Variants in TSHZ2 observed in about 807,000 individuals in gnomAD.
The protein encoded by TSHZ2 is teashirt zinc finger homeobox 2, also known as teashirt homolog 2.
Under a neutral mutation model 74.4 loss-of-function variants are expected in TSHZ2, and 21 were observed. The ratio of observed to expected loss-of-function variants is 0.28; its 90% CI spans 0.20 to 0.41. TSHZ2 has a LOEUF of 0.41. TSHZ2 is among the 10% of genes least tolerant of loss of function. TSHZ2 has a pLI of 1.00. For synonymous variants in TSHZ2, 540 were observed against 515.3 expected (o/e 1.05, Z -0.65); for missense variants, 1,244 against 1,293.5 (o/e 0.96, Z 0.59).
intron 2 of TSHZ2, among the ~76,000 whole-genome samples, chr20:53,485,947 A>G (rs1403329451): frequency 6.6e-6 from 1 of 152,194 alleles, no homozygotes; most frequent in Non-Finnish European, 1.5e-5. Flanking sequence ...CTTTGAGTAC[A>G]TTCAGATTGT....
intron 1 of TSHZ2, among the ~76,000 whole-genome samples, chr20:53,138,404 A>C (rs961383424): frequency 2.0e-5 from 3 of 151,878 alleles, no homozygotes; most frequent in African/African-American, 4.8e-5. Flanking sequence ...AAAAAAAAAA[A>C]AACAATACTT....
At chr20:53,407,851 CACTTT>C (rs1274669412) in intron 2 of TSHZ2, among the ~76,000 whole-genome samples, 1 of 152,168 alleles carries the variant, frequency 6.6e-6, no homozygotes, top group South Asian at 2.1e-4. Context: ...ATTCCAATAC[CACTTT>C]ACTTCTGGAC....
chr20:53,477,579 A>C (rs1986022565), intron 2 of TSHZ2, among the ~76,000 whole-genome samples: 1 of 144,834 alleles, frequency 6.9e-6, no homozygotes, highest in East Asian at 2.0e-4. Flanking sequence ...CCTAGGCTTT[A>C]CCATTCAGGA....
chr20:53,117,279 C>T (rs1309065814), intron 1 of TSHZ2, among the ~76,000 whole-genome samples: 2 of 152,172 alleles, frequency 1.3e-5, no homozygotes, highest in East Asian at 3.8e-4. Flanking sequence ...TCACTGTCTG[C>T]AAGAGATAAC....
intron 1 of TSHZ2, among the ~76,000 whole-genome samples, chr20:53,023,400 C>T (rs1983316177): frequency 6.6e-6 from 1 of 152,146 alleles, no homozygotes; most frequent in Admixed American, 6.5e-5. Context: ...AGCATTAAAC[C>T]TCAACATTAA....
In TSHZ2 at chr20:53,239,705, A is replaced by C. The variant is rs79885789; in HGVS notation, c.41-13794A>C. Among the ~76,000 whole-genome samples, 6 of 152,318 alleles carry C rather than the reference A, an allele frequency of 3.9e-5. No individual in the cohort carries two copies. The East Asian group carries it at 1.2e-3, about 29-fold the overall frequency. The stretch of plus-strand genomic sequence containing the variant: ...ATCAACCAGATCTTCATGAAAAATT[A>C]ATGGACAGAATAGCAAAAAATTACC... On this transcript the variant is annotated intron_variant, in intron 1 of 2. Transcript: ENST00000371497.
At chr20:53,180,910 A>G (rs1600727307) in intron 1 of TSHZ2, among the ~76,000 whole-genome samples, 1 of 152,290 alleles carries the variant, frequency 6.6e-6, no homozygotes, top group African/African-American at 2.4e-5. Flanking sequence ...ATTAGATCCC[A>G]TGATCTCCTA....
At chr20:53,122,824 A>G (rs973625279) in intron 1 of TSHZ2, among the ~76,000 whole-genome samples, 1 of 152,154 alleles carries the variant, frequency 6.6e-6, no homozygotes, top group African/African-American at 2.4e-5. Context: ...TCTCTTTTTC[A>G]TCTAGAATTG....
At chr20:53,235,855 A>C (rs1989929409) in intron 1 of TSHZ2, among the ~76,000 whole-genome samples, 1 of 150,736 alleles carries the variant, frequency 6.6e-6, no homozygotes, top group Admixed American at 6.6e-5. Flanking sequence ...AGAATGAAAG[A>C]TAAAATAAAG....
rs554202064 is a variant in TSHZ2 at position 53,446,793 on chromosome 20, G to T, written c.*9-40351G>T. ...CAGGTATCCAGGGACTGACTCTCTA[G>T]TGGGGGCACAAATGGGGTCTACAGA... is the stretch of plus-strand genomic sequence containing the variant. On this transcript the variant is annotated intron_variant, in intron 2 of 2. Coordinates refer to ENST00000371497, the MANE Select transcript of TSHZ2 (RefSeq NM_173485.6). Among the ~76,000 whole-genome samples the T allele has an allele frequency of 3.9e-5, 6 of 152,112 alleles. No individual in the cohort carries two copies. The South Asian group carries it at 1.2e-3, about 32-fold the overall frequency.
Position 53,489,054 on chromosome 20 carries a change from T to C in TSHZ2, c.*1919T>C. On this transcript the variant is annotated 3_prime_UTR_variant, in exon 3 of 3. Coordinates refer to ENST00000371497, the MANE Select transcript of TSHZ2 (RefSeq NM_173485.6). ...TACCCCTCACATCATCGGATTGAGA[T>C]GGCAGTCGAAATAGCTTCATTGAAG... is the stretch of plus-strand genomic sequence containing the variant. The C allele has an allele frequency of 2.2e-6, 1 of 456,192 alleles. No individual in the cohort carries two copies. Among genetic ancestry groups the C allele is most frequent in the African/African-American group, 2.0e-5 (1 of 50,158 alleles). 28.3% of individuals were successfully genotyped at this position (456,192 alleles called of 1,614,324 possible). A position where few individuals can be genotyped will look rare whatever the true frequency, so the allele number is the denominator to read the frequency against.
chr20:53,112,700 A>G (rs145624620), intron 1 of TSHZ2, among the ~76,000 whole-genome samples: 47 of 152,154 alleles, frequency 3.1e-4, no homozygotes, highest in African/African-American at 1.0e-3. Flanking sequence ...TTTTGTAGAG[A>G]TGGGGTTTCA....
chr20:53,473,878 G>A (rs7361305), intron 2 of TSHZ2, among the ~76,000 whole-genome samples: 30,593 of 151,934 alleles, frequency 0.2, 3,220 homozygotes, highest in East Asian at 0.29. Flanking sequence ...CTCAGGAAGC[G>A]ATGCAATCAA....
At chr20:53,455,770 C>A (rs1600654647) in intron 2 of TSHZ2, among the ~76,000 whole-genome samples, 2 of 149,428 alleles carry the variant, frequency 1.3e-5, no homozygotes, top group East Asian at 4.0e-4. Context: ...TCCATGTGAT[C>A]TCATTGTTCA....
At chr20:53,446,294 T>C (rs1193728053) in intron 2 of TSHZ2, among the ~76,000 whole-genome samples, 1 of 151,430 alleles carries the variant, frequency 6.6e-6, no homozygotes, top group Admixed American at 6.6e-5. Context: ...CCAGGCGCGG[T>C]GACTTACGCC....
chr20:53,058,887 A>G (rs1038055382), intron 1 of TSHZ2, among the ~76,000 whole-genome samples: 1 of 152,238 alleles, frequency 6.6e-6, no homozygotes, highest in Non-Finnish European at 1.5e-5. Context: ...ATTAATACAT[A>G]TATTTCGTTT....
rs112030775 is a variant in TSHZ2, at chr20:53,194,961, C to T, written c.41-58538C>T. On this transcript the variant is annotated intron_variant, in intron 1 of 2. Coordinates refer to ENST00000371497, the MANE Select transcript of TSHZ2 (RefSeq NM_173485.6). ...TGCTATTTCAGGCTTTGTAAATTAA[C>T]AGTCCTCTCCTCCTCCCACACTTTT... 2.4e-4 allele frequency among the ~76,000 whole-genome samples: 37 copies of T among 152,338 alleles called. 1 individual carries two copies. Among genetic ancestry groups the T allele is most frequent in the African/African-American group, 8.9e-4 (37 of 41,578 alleles).
chr20:53,428,472 C>T (rs1983730250), intron 2 of TSHZ2, among the ~76,000 whole-genome samples: 1 of 152,210 alleles, frequency 6.6e-6, no homozygotes, highest in South Asian at 2.1e-4. Flanking sequence ...GTTTGGGGAA[C>T]TCCTGGTTGA....
intron 2 of TSHZ2, among the ~76,000 whole-genome samples, chr20:53,460,937 T>C (rs1600658908): frequency 6.6e-6 from 1 of 152,230 alleles, no homozygotes; most frequent in African/African-American, 2.4e-5. Flanking sequence ...ACCACTGCTC[T>C]CTTCAAAGCT....
Sources: allele counts gnomAD v4.1 joint callset (sites outside exome capture counted in the v4.1 genomes callset), GRCh38; gene constraint gnomAD v4.1.1; transcripts MANE v1.5; gene names NCBI Gene and HGNC (gene_info 2026-07-23, HGNC 2026-07-21).